CFAP206: variants seen among roughly 807,000 people sequenced by gnomAD.
CFAP206 encodes cilia- and flagella-associated protein 206.
CFAP206 carries 53 observed loss-of-function variants against 65.4 expected under a neutral mutation model. The observed-to-expected ratio is 0.81, with a 90% confidence interval of 0.65 to 1.02. The LOEUF (loss-of-function observed/expected upper bound fraction) is 1.02. Among genes scored for constraint, CFAP206 ranks in the 50% least tolerant of loss-of-function variants. The pLI, the probability that CFAP206 is intolerant of heterozygous loss-of-function variation, is 0.00. For synonymous variants in CFAP206, 250 were observed against 254.4 expected (o/e 0.98, Z 0.17); for missense variants, 663 against 753.2 (o/e 0.88, Z 1.40).
intron 11 of CFAP206, 36 bp downstream of exon 11, chr6:87,435,089 T>G (rs767312937): frequency 1.4e-6 from 2 of 1,421,018 alleles, no homozygotes; most frequent in South Asian, 1.3e-5. Flanking sequence ...TTTATGACAT[T>G]TAAAAATATA....
chr6:87,458,825 C>T lies in CFAP206; in HGVS notation c.1495-2197C>T, dbSNP rs189271299. On this transcript the variant is annotated intron_variant, in intron 11 of 12. Coordinates refer to ENST00000369562, the MANE Select transcript of CFAP206 (RefSeq NM_001031743.3). ...ACTGAAAGAGTACAATTGGAATATT[C>T]ATAACAAGACATGATGACTGTTTGA... 5.0e-3 allele frequency among the ~76,000 whole-genome samples: 758 copies of T among 152,148 alleles called. 4 individuals are homozygous for T. Among genetic ancestry groups the T allele is most frequent in the South Asian group, 0.015 (74 of 4,824 alleles).
chr6:87,409,863 T>G lies in CFAP206; in HGVS notation c.24T>G (p.Ser8Arg), dbSNP rs780296013. The change falls in exon 2 of 13, where the codon AGT (serine) becomes AGG (arginine). Residue 8 changes from serine (S) to arginine (R), a missense_variant. Ser to Arg is a moderately radical substitution (Grantham distance 110, BLOSUM62 -1). Transcript: ENST00000369562. ...GAATGCCTCCAACTCAGGCCGAAAG[T>G]GTTATAAGGAGTATTATACGAGAAA... MPPTQAE[S>R]VIRSIIREIG... 1 of 1,612,258 alleles carries G rather than the reference T, an allele frequency of 6.2e-7. No homozygotes were observed. Among genetic ancestry groups the G allele is most frequent in the Non-Finnish European group, 8.5e-7 (1 of 1,179,452 alleles).
chr6:87,463,244 G>A (rs1429052327), intron 12 of CFAP206, among the ~76,000 whole-genome samples: 3 of 152,152 alleles, frequency 2.0e-5, no homozygotes, highest in Non-Finnish European at 1.5e-5. Context: ...AGAGTCTCTT[G>A]GAATGGTAAA....
At chr6:87,425,708 T>G (rs539268540) in intron 7 of CFAP206, 21 of 152,346 alleles carry the variant, frequency 1.4e-4, no homozygotes, top group Non-Finnish European at 2.5e-4. Context: ...TGGCTTGATA[T>G]CTATCAGGAC....
intron 5 of CFAP206, among the ~76,000 whole-genome samples, chr6:87,416,133 C>T (rs1767827086): frequency 6.6e-6 from 1 of 152,042 alleles, no homozygotes; most frequent in South Asian, 2.1e-4. Flanking sequence ...CCTATTACAC[C>T]CCATTAGAGA....
intron 9 of CFAP206, among the ~76,000 whole-genome samples, chr6:87,430,368 A>G (rs1385515530): frequency 6.6e-6 from 1 of 152,186 alleles, no homozygotes; most frequent in Non-Finnish European, 1.5e-5. Context: ...TTTGTGTAAA[A>G]ATTTATTCAG....
At position 87,422,953 on chromosome 6, in the gene CFAP206, C is replaced by T. The variant is rs184302064; in HGVS notation, c.841-3573C>T. Reference sequence around the variant, plus strand: ...TTTTTTTCTTTTTCAGACAGGGTCTCGCTCTGTCACCCAGGCTGGAGTGCG... The same window carrying T: ...TTTTTTTCTTTTTCAGACAGGGTCTTGCTCTGTCACCCAGGCTGGAGTGCG... On this transcript the variant is annotated intron_variant, in intron 7 of 12. Coordinates refer to ENST00000369562, the MANE Select transcript of CFAP206 (RefSeq NM_001031743.3). Among the ~76,000 whole-genome samples the T allele has an allele frequency of 2.5e-3, 374 of 152,026 alleles. 1 individual carries two copies. Among genetic ancestry groups the T allele is most frequent in the African/African-American group, 8.7e-3 (360 of 41,492 alleles).
chr6:87,427,251 G>C (rs12530034), intron 8 of CFAP206, among the ~76,000 whole-genome samples: 5,804 of 152,062 alleles, frequency 0.038, 133 homozygotes, highest in Middle Eastern at 0.079. Context: ...CATTCTCCTA[G>C]CTCAGCCTCC....
At chr6:87,418,111 C>T in intron 6 of CFAP206, 97 bp from the exon 7 acceptor site, 1 of 1,093,580 alleles carries the variant, frequency 9.1e-7, no homozygotes, top group East Asian at 2.5e-5. Context: ...GAGAAAAACC[C>T]TAACTTAATG....
chr6:87,460,968 A>G, intron 11 of CFAP206, 54 bp from the exon 12 acceptor site: 1 of 1,452,202 alleles, frequency 6.9e-7, no homozygotes, highest in Non-Finnish European at 9.2e-7. Context: ...TTTAGTTATC[A>G]GTAAATAATG....
intron 8 of CFAP206, among the ~76,000 whole-genome samples, chr6:87,427,168 C>T (rs759022485): frequency 7.9e-5 from 12 of 152,178 alleles, no homozygotes; most frequent in East Asian, 1.9e-4. Context: ...GACGGAGTCT[C>T]GCTTTGTCGC....
At chr6:87,431,584 GTC>G (rs1370385509) in intron 10 of CFAP206, among the ~76,000 whole-genome samples, 1 of 152,120 alleles carries the variant, frequency 6.6e-6, no homozygotes, top group African/African-American at 2.4e-5. Context: ...TGGCCAACAT[GTC>G]GAAACCCTGT....
chr6:87,456,835 C>A (rs1768651108), intron 11 of CFAP206, among the ~76,000 whole-genome samples: 1 of 152,024 alleles, frequency 6.6e-6, no homozygotes, highest in African/African-American at 2.4e-5. Flanking sequence ...ATGAAGATAA[C>A]TATAAAACAT....
chr6:87,439,227 G>T (rs533796684), intron 11 of CFAP206, among the ~76,000 whole-genome samples: 24 of 152,058 alleles, frequency 1.6e-4, no homozygotes, highest in Admixed American at 1.4e-3. Context: ...TTTGCATAGT[G>T]TTTTTTCCTA....
At chr6:87,417,439 T>A (rs1767852673) in intron 6 of CFAP206, among the ~76,000 whole-genome samples, 1 of 152,170 alleles carries the variant, frequency 6.6e-6, no homozygotes, top group Non-Finnish European at 1.5e-5. Flanking sequence ...GGGTAATTTT[T>A]TCTATTTTAA....
chr6:87,429,000 G>A (rs1032697699), intron 9 of CFAP206, among the ~76,000 whole-genome samples, 176 bp downstream of exon 9: 45 of 152,314 alleles, frequency 3.0e-4, no homozygotes, highest in Admixed American at 5.2e-4. Flanking sequence ...CAGCACTTTG[G>A]GGGGCCGAGG....
At chr6:87,429,273 T>G (rs1225433377) in intron 9 of CFAP206, among the ~76,000 whole-genome samples, 1 of 151,162 alleles carries the variant, frequency 6.6e-6, no homozygotes, top group East Asian at 1.9e-4. Flanking sequence ...AGAGGAGATG[T>G]GGAAAACAGA....
chr6:87,418,137 C>T (rs987013249), intron 6 of CFAP206, 71 bp from the exon 7 acceptor site: 205 of 1,373,198 alleles, frequency 1.5e-4, no homozygotes, highest in Non-Finnish European at 2.0e-4. Context: ...AATGTAACTA[C>T]TTTCTAGGCT....
At position 87,464,145 on chromosome 6, in the gene CFAP206, T is replaced by C. The variant is rs571476043; in HGVS notation, c.1764T>C (p.Thr588=). ...CCCAGTCCATGAGGGAAGACAGCAC[T>C]GGGGTGCCCAGGCCTCAGATTTACT... The part of the protein sequence containing the change: ...TSTQSMREDS[T]GVPRPQIYLA... The change falls in exon 13 of 13, where the codon ACT becomes ACC. Residue 588 remains threonine (T), a synonymous_variant. Coordinates refer to ENST00000369562, the MANE Select transcript of CFAP206 (RefSeq NM_001031743.3). 1 of 1,614,196 alleles carries C rather than the reference T, an allele frequency of 6.2e-7. No homozygotes were observed. Among genetic ancestry groups the C allele is most frequent in the South Asian group, 1.1e-5 (1 of 91,088 alleles).
Sources: allele counts gnomAD v4.1 joint callset (sites outside exome capture counted in the v4.1 genomes callset), GRCh38; gene constraint gnomAD v4.1.1; transcripts MANE v1.5; gene names NCBI Gene and HGNC (gene_info 2026-07-23, HGNC 2026-07-21).